The following SASH1 variants were observed in gnomAD, a reference collection of about 807,000 sequenced individuals.
SASH1 encodes SAM and SH3 domain containing 1.
SASH1 carries 44 observed loss-of-function variants against 125.2 expected under a neutral mutation model. The observed-to-expected ratio is 0.35, with a 90% CI of 0.28 to 0.45. The LOEUF (loss-of-function observed/expected upper bound fraction) is 0.45. Among genes scored for constraint, SASH1 ranks in the 20% least tolerant of loss-of-function variants. SASH1 has a pLI of 1.00. For missense variants in SASH1, 1,426 were observed against 1,614.5 expected (o/e 0.88, Z 2.00); for synonymous variants, 639 against 649.1 (o/e 0.98, Z 0.24).
chr6:148,207,566 T>G, the SASH1 span, among the ~76,000 whole-genome samples: 1 of 152,148 alleles, frequency 6.6e-6, no homozygotes, highest in Non-Finnish European at 1.5e-5. Flanking sequence ...AAGAAGGCCC[T>G]GGGAGGAGGT....
chr6:148,272,811 G>T (rs1017297366), intron 1 of SASH1, among the ~76,000 whole-genome samples: 4 of 152,162 alleles, frequency 2.6e-5, no homozygotes, highest in Non-Finnish European at 5.9e-5. Context: ...ACCCCCAGGG[G>T]ATCGGGACCA....
At chr6:148,485,103 A>G (rs116859577) in intron 7 of SASH1, among the ~76,000 whole-genome samples, 1 of 152,300 alleles carries the variant, frequency 6.6e-6, no homozygotes, top group East Asian at 1.9e-4. Flanking sequence ...GACTAGTTAG[A>G]AATTTGTACC....
At chr6:148,245,670 G>T in the SASH1 span, among the ~76,000 whole-genome samples, 1 of 152,042 alleles carries the variant, frequency 6.6e-6, no homozygotes, top group African/African-American at 2.4e-5. Context: ...GGTTGGGTTT[G>T]GTTGCCAAGT....
At chr6:148,370,156 G>A (rs1052106493) in intron 1 of SASH1, among the ~76,000 whole-genome samples, 2 of 152,060 alleles carry the variant, frequency 1.3e-5, no homozygotes, top group African/African-American at 2.4e-5. Context: ...GTGACCTTTC[G>A]AATGTCCCTG....
At chr6:148,298,985 C>T (rs564236549) in intron 1 of SASH1, among the ~76,000 whole-genome samples, 1 of 152,232 alleles carries the variant, frequency 6.6e-6, no homozygotes, top group South Asian at 2.1e-4. Flanking sequence ...TATGTTTTCT[C>T]TTCAGTCAAA....
At chr6:148,468,761 G>T (rs968104458) in intron 5 of SASH1, 176 bp downstream of exon 5, 10 of 535,514 alleles carry the variant, frequency 1.9e-5, no homozygotes, top group Middle Eastern at 4.7e-4. Context: ...AAATATAATT[G>T]TGATCATATT....
chr6:148,466,003 C>T (rs1777822597), intron 4 of SASH1, among the ~76,000 whole-genome samples: 1 of 152,072 alleles, frequency 6.6e-6, no homozygotes. Flanking sequence ...CTTACTTGTG[C>T]GTTGTTCAGT....
At chr6:148,420,992 G>GA (rs1295642319) in intron 2 of SASH1, among the ~76,000 whole-genome samples, 1 of 151,890 alleles carries the variant, frequency 6.6e-6, no homozygotes, top group Non-Finnish European at 1.5e-5. Flanking sequence ...GCTGAGGCAG[G>GA]AGAATCACTT....
At chr6:148,274,288 C>T (rs1779133197) in intron 1 of SASH1, among the ~76,000 whole-genome samples, 1 of 152,180 alleles carries the variant, frequency 6.6e-6, no homozygotes, top group African/African-American at 2.4e-5. Context: ...CAGAACAAAG[C>T]CTCCTCTTGT....
At chr6:148,282,215 C>T (rs1779360614) in intron 1 of SASH1, among the ~76,000 whole-genome samples, 1 of 152,174 alleles carries the variant, frequency 6.6e-6, no homozygotes, top group South Asian at 2.1e-4. Context: ...GCCATTCCTG[C>T]ACACTGCAGG....
chr6:148,200,615 C>T, the SASH1 span, among the ~76,000 whole-genome samples: 1 of 152,316 alleles, frequency 6.6e-6, no homozygotes, highest in East Asian at 1.9e-4. Flanking sequence ...AACCTCTTGG[C>T]TCTCCTTTAG....
the SASH1 span, among the ~76,000 whole-genome samples, chr6:148,212,970 C>A: frequency 6.6e-6 from 1 of 152,150 alleles, no homozygotes; most frequent in Non-Finnish European, 1.5e-5. Flanking sequence ...TCAGGGACAT[C>A]ACTAAGCTTC....
intron 1 of SASH1, among the ~76,000 whole-genome samples, chr6:148,322,368 T>A (rs1021995658): frequency 6.6e-6 from 1 of 152,110 alleles, no homozygotes; most frequent in Admixed American, 6.6e-5. Flanking sequence ...AATAAAATAA[T>A]AAAATAAAAT....
chr6:148,225,614 G>A, the SASH1 span, among the ~76,000 whole-genome samples: 1 of 152,072 alleles, frequency 6.6e-6, no homozygotes, highest in East Asian at 1.9e-4. Flanking sequence ...AAGACACATT[G>A]GGTACAGCAT....
At chr6:148,362,216 C>T (rs1052734093) in intron 1 of SASH1, among the ~76,000 whole-genome samples, 4 of 149,046 alleles carry the variant, frequency 2.7e-5, no homozygotes, top group African/African-American at 4.9e-5. Context: ...CGTGAGCCAC[C>T]GTGCCTGGCC....
chr6:148,219,711 A>G, the SASH1 span, among the ~76,000 whole-genome samples: 2 of 152,172 alleles, frequency 1.3e-5, no homozygotes, highest in Admixed American at 1.3e-4. Flanking sequence ...TATCTGGTCC[A>G]TGCCTGGGAC....
At chr6:148,232,126 T>C in the SASH1 span, among the ~76,000 whole-genome samples, 5,669 of 152,016 alleles carry the variant, frequency 0.037, 369 homozygotes, top group East Asian at 0.26. Flanking sequence ...TAGTGGCAGA[T>C]AGAGGAAAAG....
At chr6:148,508,476 C>T (rs1779931363) in intron 8 of SASH1, 2 of 1,000,106 alleles carry the variant, frequency 2.0e-6, no homozygotes, top group Non-Finnish European at 2.4e-6. Flanking sequence ...TGGAGGCCAG[C>T]AGGAGGTCAG....
intron 1 of SASH1, among the ~76,000 whole-genome samples, chr6:148,318,938 A>G (rs1165844490): frequency 1.3e-5 from 2 of 150,740 alleles, no homozygotes; most frequent in Non-Finnish European, 3.0e-5. Context: ...TTTAATCTGT[A>G]GATATTATTC....
Sources: allele counts gnomAD v4.1 joint callset (sites outside exome capture counted in the v4.1 genomes callset), GRCh38; gene constraint gnomAD v4.1.1; transcripts MANE v1.5; gene names NCBI Gene and HGNC (gene_info 2026-07-23, HGNC 2026-07-21).